The following CREBRF variants were observed in gnomAD, a reference collection of about 807,000 sequenced individuals.
The protein encoded by CREBRF is CREB3 regulatory factor.
Under a neutral mutation model 66.1 loss-of-function variants are expected in CREBRF, and 5 were observed. That is an observed-to-expected ratio of 0.08 (90% CI 0.04 to 0.16). CREBRF has a LOEUF of 0.16. Ranked by LOEUF, CREBRF falls within the 10% of genes least tolerant of loss-of-function variation. CREBRF has a pLI of 1.00. For missense variants in CREBRF, 531 were observed against 744.9 expected (o/e 0.71, Z 3.34); for synonymous variants, 229 against 264.4 (o/e 0.87, Z 1.30).
At position 173,056,492 on chromosome 5, in the gene CREBRF, A is replaced by G. The variant is rs1757043811; in HGVS notation, c.-192+13A>G. On this transcript the variant is annotated intron_variant, in intron 1 of 8. Transcript: ENST00000296953. ...CCTACACCCACAGGTGAGCGCCGCC[A>G]CCCGCTGCTCGGAACCCCCAGGGGC... 1 of 397,666 alleles carries G rather than the reference A, an allele frequency of 2.5e-6. No homozygotes were observed. Among genetic ancestry groups the G allele is most frequent in the Non-Finnish European group, 4.4e-6 (1 of 225,558 alleles). 24.6% of individuals were successfully genotyped at this position (397,666 alleles called of 1,614,324 possible). A position where few individuals can be genotyped will look rare whatever the true frequency, so the allele number is the denominator to read the frequency against.
intron 7 of CREBRF, among the ~76,000 whole-genome samples, chr5:173,116,706 G>A (rs750463403): frequency 1.6e-4 from 25 of 152,108 alleles, no homozygotes; most frequent in Non-Finnish European, 3.1e-4. Flanking sequence ...CAAGTATTTG[G>A]GTAGACATAT....
intron 1 of CREBRF, 150 bp downstream of exon 1, chr5:173,056,629 G>A (rs959809494): frequency 2.1e-5 from 8 of 386,804 alleles, no homozygotes; most frequent in African/African-American, 1.7e-4. Context: ...CCACGGCCGA[G>A]TGCTAGGGCG....
chr5:173,080,581 ACAGACAGCAT>A lies in CREBRF; in HGVS notation c.-191-2_-184del, dbSNP rs2113706964. On this transcript the variant is annotated splice_acceptor_variant and splice_polypyrimidine_tract_variant and 5_prime_UTR_variant and intron_variant, in exon 2 of 9. Transcript: ENST00000296953. LOFTEE classifies it low-confidence loss of function (5UTR_SPLICE). ...CAGTGAAGTTACTTTGTGTTGTTTG[ACAGACAGCAT>A]CGCACAGAATTATTTTAAAAAAAAG... The A allele has an allele frequency of 1.8e-6, 1 of 557,610 alleles. No individual in the cohort carries two copies. The highest frequency in any genetic ancestry group is 2.8e-5 in the East Asian group (1 of 35,390). The allele number at this position is 557,610 out of a possible 1,614,324, so 34.5% of individuals were successfully genotyped here. A position where few individuals can be genotyped will look rare whatever the true frequency, so the allele number is the denominator to read the frequency against.
At chr5:173,059,619 A>C (rs1054070578) in intron 1 of CREBRF, among the ~76,000 whole-genome samples, 1 of 151,822 alleles carries the variant, frequency 6.6e-6, no homozygotes, top group Non-Finnish European at 1.5e-5. Context: ...CCTAGCCCTT[A>C]CAATGCCCTA....
intron 4 of CREBRF, among the ~76,000 whole-genome samples, chr5:173,106,545 T>C (rs940426403): frequency 2.0e-5 from 3 of 152,166 alleles, no homozygotes; most frequent in East Asian, 1.9e-4. Context: ...AAAGCTTGCC[T>C]TAACTGTTGC....
intron 2 of CREBRF, among the ~76,000 whole-genome samples, chr5:173,085,146 T>C (rs1225633164): frequency 2.0e-5 from 3 of 152,058 alleles, no homozygotes; most frequent in African/African-American, 7.2e-5. Flanking sequence ...TTTTGCCATA[T>C]TGGCCAGCCT....
Position 173,091,272 on chromosome 5 carries a change from G to T in CREBRF, c.1093G>T (p.Asp365Tyr), listed in dbSNP as rs1758331242. 1 of 1,613,828 alleles carries T rather than the reference G, an allele frequency of 6.2e-7. No individual in the cohort carries two copies. The highest frequency in any genetic ancestry group is 1.3e-5 in the African/African-American group (1 of 75,022). ...EEDEEDEEDV[D>Y]DEDHDEGFGS... ...AGATGAGGAGGACGAGGAGGATGTT[G>T]ATGATGAGGACCATGATGAAGGATT... The change falls in exon 4 of 9, where the codon GAT becomes TAT. Residue 365 changes from aspartate (D) to tyrosine (Y), a missense_variant. By Grantham distance (160) the Asp-to-Tyr change is radical. Transcript: ENST00000296953.
intron 7 of CREBRF, among the ~76,000 whole-genome samples, chr5:173,116,650 G>A (rs979662150): frequency 3.3e-5 from 5 of 151,938 alleles, no homozygotes; most frequent in African/African-American, 9.7e-5. Flanking sequence ...TACTTAGGTT[G>A]TTTCAAGTTT....
At chr5:173,082,426 G>A (rs921209122) in intron 2 of CREBRF, among the ~76,000 whole-genome samples, 1 of 151,462 alleles carries the variant, frequency 6.6e-6, no homozygotes, top group Non-Finnish European at 1.5e-5. Context: ...AAAAGTAGGG[G>A]GAAGATAAGA....
chr5:173,127,060 C>CA (rs1242322606), intron 8 of CREBRF, among the ~76,000 whole-genome samples: 1 of 152,040 alleles, frequency 6.6e-6, no homozygotes, highest in Non-Finnish European at 1.5e-5. Context: ...GCCTGGGCAA[C>CA]AGAGTGAGAC....
rs980132318 is a variant in CREBRF, at chr5:173,092,100, TAAATA to T, written c.1222+703_1222+707del. 33 of 793,588 alleles carry T rather than the reference TAAATA, an allele frequency of 4.2e-5. No individual in the cohort carries two copies. The African/African-American group carries it at 5.8e-4, about 14-fold the overall frequency. The allele number at this position is 793,588 out of a possible 1,614,324, so 49.2% of individuals were successfully genotyped here. On this transcript the variant is annotated intron_variant, in intron 4 of 8. Coordinates refer to ENST00000296953, the MANE Select transcript of CREBRF (RefSeq NM_153607.3). ...CTGTCTCAATAACAACAAAAAATAATAAATAAAAATATTACTGTTTATGCATGTGT... is the reference window on the plus strand; with the variant it reads ...CTGTCTCAATAACAACAAAAAATAATAAAATATTACTGTTTATGCATGTGT...
intron 6 of CREBRF, among the ~76,000 whole-genome samples, chr5:173,111,231 T>G (rs548065997): frequency 6.6e-6 from 1 of 152,190 alleles, no homozygotes; most frequent in East Asian, 1.9e-4. Context: ...CAGAATGTCA[T>G]GTACATGGAA....
intron 1 of CREBRF, among the ~76,000 whole-genome samples, chr5:173,073,532 G>T (rs1757656560): frequency 6.6e-6 from 1 of 152,182 alleles, no homozygotes; most frequent in Non-Finnish European, 1.5e-5. Flanking sequence ...ATTGTTCCAT[G>T]CTCTTATTCT....
chr5:173,057,554 CCT>C (rs1391828016), intron 1 of CREBRF: 1 of 152,298 alleles, frequency 6.6e-6, no homozygotes, highest in African/African-American at 2.4e-5. Flanking sequence ...CTGGATTCTC[CCT>C]CTTTCTCGGC....
intron 1 of CREBRF, among the ~76,000 whole-genome samples, chr5:173,067,195 A>G (rs1365265014): frequency 1.3e-5 from 2 of 152,166 alleles, no homozygotes; most frequent in African/African-American, 4.8e-5. Flanking sequence ...AGACATTTGC[A>G]TTGCTTCCAG....
intron 1 of CREBRF, among the ~76,000 whole-genome samples, chr5:173,065,601 C>T (rs1189403572): frequency 6.6e-6 from 1 of 150,760 alleles, no homozygotes; most frequent in Non-Finnish European, 1.5e-5. Flanking sequence ...CCCACCCTCC[C>T]TCCCTCTCTC....
At chr5:173,126,084 C>T (rs971707632) in intron 8 of CREBRF, among the ~76,000 whole-genome samples, 8 of 152,064 alleles carry the variant, frequency 5.3e-5, no homozygotes, top group Non-Finnish European at 1.2e-4. Context: ...TTTATTTGGA[C>T]CATCTCTGTT....
At chr5:173,098,687 T>C (rs1758538725) in intron 4 of CREBRF, among the ~76,000 whole-genome samples, 1 of 152,110 alleles carries the variant, frequency 6.6e-6, no homozygotes. Flanking sequence ...TTGTTGAAAA[T>C]GGAGTGTTGA....
intron 1 of CREBRF, among the ~76,000 whole-genome samples, chr5:173,070,713 T>G (rs1757573812): frequency 6.6e-6 from 1 of 152,146 alleles, no homozygotes; most frequent in Non-Finnish European, 1.5e-5. Flanking sequence ...TTTCATATTT[T>G]TACTATATGA....
Sources: gnomAD v4.1 joint callset for allele counts (sites outside exome capture counted in the v4.1 genomes callset) on GRCh38, gnomAD v4.1.1 for gene constraint, MANE v1.5 for transcripts, NCBI Gene and HGNC (gene_info 2026-07-23, HGNC 2026-07-21) for gene names.